The following ACSF3 variants were observed in gnomAD, a reference collection of about 807,000 sequenced individuals.
The protein encoded by ACSF3 is malonate--CoA ligase ACSF3, mitochondrial.
A neutral mutation model predicts 53.2 loss-of-function variants in ACSF3; 78 were observed. The observed-to-expected ratio is 1.47, with a 90% CI of 1.22 to 1.77. The LOEUF is 1.77. ACSF3 is among the 40% of genes most tolerant of loss of function. The pLI, the probability that ACSF3 is intolerant of heterozygous loss-of-function variation, is 0.00. For missense variants in ACSF3, 937 were observed against 771.1 expected (o/e 1.22, Z -2.55); for synonymous variants, 414 against 333.1 (o/e 1.24, Z -2.65).
Position 89,155,297 on chromosome 16 carries a change from G to T in ACSF3, c.*1090G>T. The T allele has an allele frequency of 2.2e-6, 1 of 453,992 alleles. No individual in the cohort carries two copies. The allele number at this position is 453,992 out of a possible 1,614,324, so 28.1% of individuals were successfully genotyped here. On this transcript the variant is annotated 3_prime_UTR_variant, in exon 11 of 11. Coordinates refer to ENST00000614302, the MANE Select transcript of ACSF3 (RefSeq NM_001243279.3). ...CATTCTGCCCCCGGAATGCACGTCTGAAAGAGTGGCCAGAAACGAGTGTGC... is the reference window on the plus strand; with the variant it reads ...CATTCTGCCCCCGGAATGCACGTCTTAAAGAGTGGCCAGAAACGAGTGTGC...
Position 89,101,215 on chromosome 16 carries a change from A to G in ACSF3, c.534A>G (p.Ala178=). The G allele has an allele frequency of 6.2e-7, 1 of 1,605,134 alleles. No individual in the cohort carries two copies. Among genetic ancestry groups the G allele is most frequent in the Non-Finnish European group, 8.5e-7 (1 of 1,176,070 alleles). ...TCACACCAGCCATCTACACTGGAGC[A>G]GTAGAGGAACCGGCAGAGGTCCCGG... ...LPLTPAIYTG[A]VEEPAEVPVP... The change falls in exon 3 of 11, where the codon GCA becomes GCG. Residue 178 remains alanine, a synonymous_variant. Transcript: ENST00000614302.
chr16:89,155,236 A>G lies in ACSF3; in HGVS notation c.*1029A>G, dbSNP rs771202132. ...CCACAGCCTGGGGGAAGTAACAGTC[A>G]TCGCCCAGCAGTGTCTGGCCTGAAC... On this transcript the variant is annotated 3_prime_UTR_variant, in exon 11 of 11. Transcript: ENST00000614302. 4 of 454,028 alleles carry G rather than the reference A, an allele frequency of 8.8e-6. No homozygotes were observed. The highest frequency in any genetic ancestry group is 3.1e-5 in the South Asian group (2 of 64,480). The allele number at this position is 454,028 out of a possible 1,614,324, so 28.1% of individuals were successfully genotyped here.
intron 7 of ACSF3, among the ~76,000 whole-genome samples, chr16:89,123,043 G>T (rs1451390838): frequency 6.6e-6 from 1 of 152,210 alleles, no homozygotes; most frequent in Non-Finnish European, 1.5e-5. Context: ...ATGCTCTGGG[G>T]CTGCTTAAAT....
intron 4 of ACSF3, 127 bp downstream of exon 4, chr16:89,102,886 G>A (rs530116733): frequency 2.3e-5 from 31 of 1,364,354 alleles, no homozygotes; most frequent in South Asian, 2.2e-4. Context: ...GCTCTCGGCC[G>A]CGCCCTCAGA....
intron 8 of ACSF3, among the ~76,000 whole-genome samples, chr16:89,144,031 A>C (rs996969088): frequency 6.6e-6 from 1 of 152,240 alleles, no homozygotes; most frequent in African/African-American, 2.4e-5. Flanking sequence ...GCATGCTCCC[A>C]CAGCCACGGC....
chr16:89,099,510 G>T (rs898557791), intron 2 of ACSF3, among the ~76,000 whole-genome samples: 1 of 152,330 alleles, frequency 6.6e-6, no homozygotes, highest in African/African-American at 2.4e-5. Flanking sequence ...GCTGGGTGCA[G>T]TGGCTCACAC....
At chr16:89,131,964 G>A (rs1227954395) in intron 7 of ACSF3, among the ~76,000 whole-genome samples, 1 of 151,146 alleles carries the variant, frequency 6.6e-6, no homozygotes, top group Non-Finnish European at 1.5e-5. Context: ...GCCCAGGCTG[G>A]CGGGTTGGCA....
At chr16:89,147,962 C>T (rs141481619) in intron 10 of ACSF3, 1 of 152,310 alleles carries the variant, frequency 6.6e-6, no homozygotes, top group Admixed American at 6.5e-5. Flanking sequence ...TTCCCAGATA[C>T]AGTGGGGGTG....
intron 5 of ACSF3, chr16:89,113,912 T>C (rs1176288536): frequency 6.1e-6 from 2 of 325,566 alleles, no homozygotes; most frequent in East Asian, 1.7e-4. Flanking sequence ...GAGCCGGCTG[T>C]AGTCCCCGGA....
chr16:89,132,991 A>G, intron 7 of ACSF3, 145 bp from the exon 8 acceptor site: 1 of 1,237,218 alleles, frequency 8.1e-7, no homozygotes, highest in Non-Finnish European at 1.2e-6. Context: ...GCGTTTTCCA[A>G]GCATTCCAAC....
chr16:89,096,325 G>A (rs762317700), intron 1 of ACSF3, among the ~76,000 whole-genome samples: 24 of 152,308 alleles, frequency 1.6e-4, no homozygotes, highest in African/African-American at 3.6e-4. Flanking sequence ...GGAGCCCCAC[G>A]GTAGAAGGGG....
chr16:89,119,616 G>C lies in ACSF3; in HGVS notation c.1127-1185G>C, dbSNP rs550332157. 2.0e-5 allele frequency among the ~76,000 whole-genome samples: 3 copies of C among 152,334 alleles called. No individual in the cohort carries two copies. The South Asian group carries it at 6.2e-4, about 32-fold the overall frequency. ...GGATGGAAGAAAGGGGGCTGAAGCT[G>C]GCCCCGCCACACCCCCCATAGTGGT... On this transcript the variant is annotated intron_variant, in intron 6 of 10. Coordinates refer to ENST00000614302, the MANE Select transcript of ACSF3 (RefSeq NM_001243279.3).
chr16:89,114,981 C>G (rs1342846600), intron 6 of ACSF3: 1 of 260,230 alleles, frequency 3.8e-6, no homozygotes, highest in Admixed American at 4.9e-5. Flanking sequence ...GATACCGGGC[C>G]CCTCTTGTCC....
At chr16:89,119,796 C>T (rs555017679) in intron 6 of ACSF3, among the ~76,000 whole-genome samples, 4 of 152,174 alleles carry the variant, frequency 2.6e-5, no homozygotes, top group Admixed American at 1.3e-4. Flanking sequence ...AAGACCGAGC[C>T]GGGCACCGAC....
At chr16:89,142,515 A>G (rs1911969294) in intron 8 of ACSF3, among the ~76,000 whole-genome samples, 1 of 150,728 alleles carries the variant, frequency 6.6e-6, no homozygotes, top group Non-Finnish European at 1.5e-5. Flanking sequence ...GCCTGCAGAG[A>G]CATACCCACA....
Position 89,155,160 on chromosome 16 carries a change from C to G in ACSF3, c.*953C>G, listed in dbSNP as rs1249286231. 14 of 454,050 alleles carry G rather than the reference C, an allele frequency of 3.1e-5. No homozygotes were observed. The East Asian group carries it at 9.7e-4, about 32-fold the overall frequency. 28.1% of individuals were successfully genotyped at this position (454,050 alleles called of 1,614,324 possible). A position where few individuals can be genotyped will look rare whatever the true frequency, so the allele number is the denominator to read the frequency against. On this transcript the variant is annotated 3_prime_UTR_variant, in exon 11 of 11. Transcript: ENST00000614302. ...AATTCAGATGCACAGGGGCCACATG[C>G]AGAATCCAGAAGTTTCTGGACAATT...
intron 7 of ACSF3, among the ~76,000 whole-genome samples, chr16:89,124,579 C>T (rs1907564092): frequency 6.6e-6 from 1 of 152,040 alleles, no homozygotes; most frequent in Non-Finnish European, 1.5e-5. Flanking sequence ...CCCATGCGCA[C>T]ACTGTGTGTG....
intron 1 of ACSF3, among the ~76,000 whole-genome samples, chr16:89,095,715 G>A (rs10163304): frequency 2.6e-5 from 4 of 152,288 alleles, no homozygotes; most frequent in South Asian, 2.1e-4. Flanking sequence ...TTTTTGTTGC[G>A]AGGCTCCATG....
intron 7 of ACSF3, among the ~76,000 whole-genome samples, chr16:89,124,320 T>A (rs543930685): frequency 8.8e-4 from 134 of 152,234 alleles, no homozygotes; most frequent in African/African-American, 3.1e-3. Flanking sequence ...TATGTGTGTG[T>A]GAGACCCGTT....
Sources: allele counts gnomAD v4.1 joint callset (sites outside exome capture counted in the v4.1 genomes callset), GRCh38; gene constraint gnomAD v4.1.1; transcripts MANE v1.5; gene names NCBI Gene and HGNC (gene_info 2026-07-23, HGNC 2026-07-21).